Variants in C3orf20 observed in about 807,000 individuals in gnomAD.
C3orf20 encodes the protein uncharacterized protein C3orf20.
A neutral mutation model predicts 88.3 loss-of-function variants in C3orf20; 76 were observed. That is an observed-to-expected ratio of 0.86 (90% confidence interval 0.72 to 1.04). The LOEUF is 1.04. Ranked by LOEUF, C3orf20 falls within the 50% of genes least tolerant of loss-of-function variation. The pLI is 0.00. For missense variants in C3orf20, 1,056 were observed against 1,123.3 expected (o/e 0.94, Z 0.86); for synonymous variants, 436 against 437.4 (o/e 1.00, Z 0.04).
Position 14,728,438 on chromosome 3 carries a change from G to T in C3orf20, c.1691-1G>T, listed in dbSNP as rs528772163. The T allele has an allele frequency of 3.1e-6, 5 of 1,614,090 alleles. No individual in the cohort carries two copies. In the African/African-American group the frequency reaches 5.3e-5, roughly 17 times the overall value. On this transcript the variant is annotated splice_acceptor_variant, in intron 11 of 16. Transcript: ENST00000253697. LOFTEE classifies it high-confidence loss of function. ...ATGACAGCAGCATCTTCTGTTAACA[G>T]GTCTGTTTACCATTGAATATCCCAC...
At chr3:14,739,038 G>C (rs1445522651) in intron 12 of C3orf20, among the ~76,000 whole-genome samples, 1 of 149,774 alleles carries the variant, frequency 6.7e-6, no homozygotes, top group Admixed American at 6.6e-5. Context: ...TGATCCACCT[G>C]CCTCGGCCTC....
chr3:14,684,305 A>G lies in C3orf20; in HGVS notation c.548A>G (p.Asn183Ser), dbSNP rs1309732714. The G allele has an allele frequency of 6.8e-6, 11 of 1,614,040 alleles. No homozygotes were observed. Among genetic ancestry groups the G allele is most frequent in the Non-Finnish European group, 9.3e-6 (11 of 1,180,030 alleles). The change falls in exon 4 of 17, where the codon AAT (asparagine) becomes AGT (serine). Residue 183 changes from asparagine (N) to serine (S), a missense_variant. Transcript: ENST00000253697. ...GAGGCCAGCCAGCTCCTCCACCTCA[A>G]TGCCAAGGAGATGGCCTTCAACTGC... Reference protein sequence around the residue: ...FVEASQLLHLNAKEMAFNCLI... With the variant: ...FVEASQLLHLSAKEMAFNCLI...
At chr3:14,756,881 A>G (rs908354302) in intron 12 of C3orf20, among the ~76,000 whole-genome samples, 1 of 152,238 alleles carries the variant, frequency 6.6e-6, no homozygotes, top group African/African-American at 2.4e-5. Flanking sequence ...GACGTGAGCT[A>G]GGTTTTAACA....
intron 12 of C3orf20, among the ~76,000 whole-genome samples, chr3:14,749,535 T>C (rs979683187): frequency 4.6e-5 from 7 of 152,030 alleles, no homozygotes; most frequent in African/African-American, 1.7e-4. Flanking sequence ...TGGATTACAG[T>C]TGGATTTGCA....
At chr3:14,689,266 T>A (rs1047239662) in intron 4 of C3orf20, among the ~76,000 whole-genome samples, 3 of 152,098 alleles carry the variant, frequency 2.0e-5, no homozygotes, top group Admixed American at 1.3e-4. Context: ...CTAGCAGAGG[T>A]GATTACTTTT....
chr3:14,734,235 T>C (rs1036814613), intron 12 of C3orf20, among the ~76,000 whole-genome samples: 1 of 152,156 alleles, frequency 6.6e-6, no homozygotes, highest in African/African-American at 2.4e-5. Context: ...TCCTTCTGTC[T>C]ACTTTCTTTG....
At chr3:14,725,565 CAAAT>C (rs575013961) in intron 10 of C3orf20, among the ~76,000 whole-genome samples, 88 of 152,232 alleles carry the variant, frequency 5.8e-4, no homozygotes, top group Admixed American at 2.3e-3. Context: ...GTATAAATTT[CAAAT>C]AAATAAATAA....
intron 12 of C3orf20, among the ~76,000 whole-genome samples, chr3:14,736,980 G>T (rs1455740600): frequency 3.9e-5 from 6 of 152,136 alleles, no homozygotes; most frequent in Admixed American, 3.9e-4. Flanking sequence ...TTTTATTAAG[G>T]ATTTAGCTGT....
intron 10 of C3orf20, 94 bp downstream of exon 10, chr3:14,721,878 C>A: frequency 6.7e-7 from 1 of 1,495,122 alleles, no homozygotes; most frequent in Non-Finnish European, 9.2e-7. Flanking sequence ...TCTTACTCCC[C>A]ACCACCCTTC....
intron 4 of C3orf20, among the ~76,000 whole-genome samples, chr3:14,684,833 T>C (rs6442469): frequency 0.8 from 122,392 of 152,118 alleles, 50,594 homozygotes; most frequent in Non-Finnish European, 0.91. Flanking sequence ...GTCCACAGGC[T>C]GCACTCGAGT....
chr3:14,758,741 C>T (rs6442475), intron 13 of C3orf20, among the ~76,000 whole-genome samples: 39,323 of 152,126 alleles, frequency 0.26, 5,737 homozygotes, highest in South Asian at 0.4. Flanking sequence ...CGTCCACCCT[C>T]GGGTCTGTGC....
intron 6 of C3orf20, among the ~76,000 whole-genome samples, chr3:14,704,076 C>T (rs147163993): frequency 6.6e-5 from 10 of 152,266 alleles, no homozygotes; most frequent in African/African-American, 1.2e-4. Flanking sequence ...CCCCAACTTC[C>T]ACACACACTC....
chr3:14,677,919 G>A (rs2031865338), intron 1 of C3orf20, among the ~76,000 whole-genome samples: 1 of 152,108 alleles, frequency 6.6e-6, no homozygotes, highest in South Asian at 2.1e-4. Context: ...TTCCCTCCAC[G>A]CTGCCAGCAG....
chr3:14,718,762 G>A (rs931562189), intron 9 of C3orf20, among the ~76,000 whole-genome samples: 4 of 152,180 alleles, frequency 2.6e-5, no homozygotes, highest in African/African-American at 4.8e-5. Context: ...AGAAGCTCAC[G>A]TCTCAGTTCA....
intron 12 of C3orf20, among the ~76,000 whole-genome samples, chr3:14,729,458 T>C (rs1432914309): frequency 1.3e-5 from 2 of 152,134 alleles, no homozygotes; most frequent in Non-Finnish European, 2.9e-5. Flanking sequence ...ACGACACGAA[T>C]TGACGACTGA....
chr3:14,715,192 G>C, intron 8 of C3orf20, 97 bp from the exon 9 acceptor site: 2 of 1,474,474 alleles, frequency 1.4e-6, no homozygotes, highest in Non-Finnish European at 9.1e-7. Context: ...CTCCAGCCTG[G>C]GACTGAGTCT....
Position 14,700,787 on chromosome 3 carries a change from T to C in C3orf20, c.746-2343T>C, listed in dbSNP as rs564486438. Among the ~76,000 whole-genome samples, 4 of 152,374 alleles carry C rather than the reference T, an allele frequency of 2.6e-5. No individual in the cohort carries two copies. In the East Asian group the frequency reaches 5.8e-4, roughly 22 times the overall value. On this transcript the variant is annotated intron_variant, in intron 5 of 16. Transcript: ENST00000253697. ...TTTATGCCTGTTGTCCTATGACATA[T>C]GTATGAATGATGCCTGGTTTTGCTA...
intron 12 of C3orf20, among the ~76,000 whole-genome samples, chr3:14,738,815 G>GTTTTTTTT (rs71038433): frequency 8.2e-5 from 8 of 97,780 alleles, no homozygotes; most frequent in African/African-American, 1.4e-4. Flanking sequence ...TAATTTTTTT[G>GTTTTTTTT]TTTTTTTTTT....
rs2033247660 is a variant in C3orf20, at chr3:14,701,211, A to T, written c.746-1919A>T. On this transcript the variant is annotated intron_variant, in intron 5 of 16. Transcript: ENST00000253697. The surrounding 1 kb of genome is among the most constrained non-coding windows in gnomAD (Gnocchi z 4.6). ...GGAGAAGTGGGGGAAGTGACCAGGA[A>T]CCACTCAGGGTGGCAGATACCAGAG... Among the ~76,000 whole-genome samples, 1 of 152,036 alleles carries T rather than the reference A, an allele frequency of 6.6e-6. No homozygotes were observed. The highest frequency in any genetic ancestry group is 2.4e-5 in the African/African-American group (1 of 41,392).
Sources: gnomAD v4.1 joint callset for allele counts (sites outside exome capture counted in the v4.1 genomes callset) on GRCh38, gnomAD v4.1.1 for gene constraint, Gnocchi (gnomAD v3.1) non-coding constraint, MANE v1.5 for transcripts, NCBI Gene and HGNC (gene_info 2026-07-23, HGNC 2026-07-21) for gene names.